The following CNBD1 variants were observed in gnomAD, a reference collection of about 807,000 sequenced individuals.
CNBD1 encodes cyclic nucleotide-binding domain-containing protein 1.
CNBD1 carries 71 observed loss-of-function variants against 54.4 expected under a neutral mutation model. The observed-to-expected ratio is 1.30, with a 90% CI of 1.08 to 1.59. The LOEUF is 1.59. Among genes scored for constraint, CNBD1 ranks in the 40% most tolerant of loss-of-function variants. The pLI is 0.00. For synonymous variants in CNBD1, 182 were observed against 170.7 expected (o/e 1.07, Z -0.51); for missense variants, 659 against 518.0 (o/e 1.27, Z -2.64).
chr8:86,890,117 G>A (rs1163642571), intron 2 of CNBD1, among the ~76,000 whole-genome samples: 1 of 151,900 alleles, frequency 6.6e-6, no homozygotes, highest in Non-Finnish European at 1.5e-5. Context: ...TTTGAAATTT[G>A]CTCTTCTGGC....
intron 4 of CNBD1, among the ~76,000 whole-genome samples, chr8:87,173,097 T>G (rs2130770273): frequency 6.6e-6 from 1 of 152,306 alleles, no homozygotes; most frequent in South Asian, 2.1e-4. Context: ...AACCATTATT[T>G]TAAACTGGTA....
At chr8:87,370,467 C>G (rs1810756692) in intron 10 of CNBD1, among the ~76,000 whole-genome samples, 1 of 152,090 alleles carries the variant, frequency 6.6e-6, no homozygotes, top group Admixed American at 6.6e-5. Flanking sequence ...TTGCATTTCT[C>G]TGATGGCCAG....
At chr8:87,418,609 T>A (rs892671123) in intron 2 of CNBD1, among the ~76,000 whole-genome samples, 1 of 151,948 alleles carries the variant, frequency 6.6e-6, no homozygotes, top group Non-Finnish European at 1.5e-5. Context: ...ACAAATCACA[T>A]ATATGATTAG....
chr8:86,930,122 G>T (rs957458919), intron 3 of CNBD1, among the ~76,000 whole-genome samples: 1 of 152,110 alleles, frequency 6.6e-6, no homozygotes, highest in Non-Finnish European at 1.5e-5. Context: ...TGGCCATCTC[G>T]CTGTATCCAG....
At chr8:87,159,732 G>A (rs984512294) in intron 4 of CNBD1, among the ~76,000 whole-genome samples, 1 of 152,092 alleles carries the variant, frequency 6.6e-6, no homozygotes, top group Non-Finnish European at 1.5e-5. Flanking sequence ...CCCCTGGAAA[G>A]CATCCTGGCT....
chr8:86,932,659 T>C (rs1809476437), intron 3 of CNBD1, among the ~76,000 whole-genome samples: 1 of 152,126 alleles, frequency 6.6e-6, no homozygotes, highest in East Asian at 1.9e-4. Flanking sequence ...CCATTTTTTT[T>C]CCATCAGAGA....
chr8:86,923,156 AGGGTGGGAGTGGACCCGAGCAGGC>A (rs1359850466), intron 3 of CNBD1, among the ~76,000 whole-genome samples: 1 of 152,204 alleles, frequency 6.6e-6, no homozygotes, highest in African/African-American at 2.4e-5. Flanking sequence ...AGCACTCCAC[AGGGTGGGAGTGGACCCGAGCAGGC>A]GGCTCAAGGG....
At chr8:87,329,927 T>C (rs1029901881) in intron 8 of CNBD1, among the ~76,000 whole-genome samples, 2 of 152,012 alleles carry the variant, frequency 1.3e-5, no homozygotes, top group African/African-American at 2.4e-5. Flanking sequence ...TCCAGTATAA[T>C]GTTAAAAGGA....
chr8:87,045,134 T>C (rs1000306187), intron 4 of CNBD1, among the ~76,000 whole-genome samples: 8 of 152,192 alleles, frequency 5.3e-5, no homozygotes, highest in African/African-American at 1.9e-4. Flanking sequence ...TCAAAGGTCC[T>C]TGGAAGAATG....
At chr8:87,101,758 T>G (rs1347217602) in intron 4 of CNBD1, among the ~76,000 whole-genome samples, 1 of 152,198 alleles carries the variant, frequency 6.6e-6, no homozygotes, top group East Asian at 1.9e-4. Flanking sequence ...CAATAAAAAT[T>G]CATGTTCCTT....
At chr8:86,904,926 T>C (rs1808993329) in intron 2 of CNBD1, among the ~76,000 whole-genome samples, 155 bp from the exon 3 acceptor site, 1 of 152,144 alleles carries the variant, frequency 6.6e-6, no homozygotes, top group Non-Finnish European at 1.5e-5. Flanking sequence ...ATTTGGATAT[T>C]TTTAAAGCAC....
rs182401871 is a variant in CNBD1, at chr8:86,959,158, A to G, written c.431+19404A>G. Among the ~76,000 whole-genome samples the G allele has an allele frequency of 2.2e-3, 340 of 152,286 alleles. 1 individual carries two copies. Among genetic ancestry groups the G allele is most frequent in the African/African-American group, 7.9e-3 (327 of 41,556 alleles). ...TCTGGGTTGAAAATTCTTTTCTTTA[A>G]GAATGTTGAATATTGGCCTCCACTC... On this transcript the variant is annotated intron_variant, in intron 4 of 10. Transcript: ENST00000518476.
intron 4 of CNBD1, among the ~76,000 whole-genome samples, chr8:86,945,148 G>A (rs1807436552): frequency 6.6e-6 from 1 of 151,910 alleles, no homozygotes; most frequent in Non-Finnish European, 1.5e-5. Context: ...ACTAATTTCT[G>A]GGGAAAAAAA....
At chr8:87,426,326 G>T (rs1182240650) in intron 2 of CNBD1, among the ~76,000 whole-genome samples, 1 of 152,150 alleles carries the variant, frequency 6.6e-6, no homozygotes, top group Non-Finnish European at 1.5e-5. Context: ...TTCCTATTCG[G>T]CCATCTTGGC....
intron 4 of CNBD1, among the ~76,000 whole-genome samples, chr8:87,042,426 C>A (rs12544252): frequency 3.9e-5 from 6 of 151,936 alleles, no homozygotes; most frequent in African/African-American, 1.5e-4. Context: ...AAAGGCAGAA[C>A]GGGGCTAAGT....
intron 4 of CNBD1, among the ~76,000 whole-genome samples, chr8:87,052,124 T>C (rs188402031): frequency 6.6e-6 from 1 of 152,292 alleles, no homozygotes; most frequent in Admixed American, 6.5e-5. Flanking sequence ...TATAGGCCTG[T>C]AAAGCAAGCA....
chr8:87,013,213 G>A (rs1288469658), intron 4 of CNBD1, among the ~76,000 whole-genome samples: 4 of 152,114 alleles, frequency 2.6e-5, no homozygotes, highest in Non-Finnish European at 4.4e-5. Context: ...TAGGTTAAAC[G>A]TCCTTGATTT....
At chr8:87,401,264 T>C (rs1282080818) in intron 2 of CNBD1, among the ~76,000 whole-genome samples, 1 of 152,052 alleles carries the variant, frequency 6.6e-6, no homozygotes, top group East Asian at 1.9e-4. Context: ...GAACCTGAGA[T>C]ATTTAATTCC....
rs139743762 is a variant in CNBD1, at chr8:87,169,556, C to T, written c.432-36437C>T. ...ATAGCTTGAGGTCTTAGAGTTAAGT[C>T]TTCAACCTATTTTGATTTTATTTTT... On this transcript the variant is annotated intron_variant, in intron 4 of 10. Coordinates refer to ENST00000518476, the MANE Select transcript of CNBD1 (RefSeq NM_173538.3). Among the ~76,000 whole-genome samples the T allele has an allele frequency of 6.0e-4, 91 of 152,190 alleles. 1 individual carries two copies. Among genetic ancestry groups the T allele is most frequent in the African/African-American group, 1.9e-3 (78 of 41,578 alleles).
Sources: allele counts gnomAD v4.1 joint callset (sites outside exome capture counted in the v4.1 genomes callset), GRCh38; gene constraint gnomAD v4.1.1; transcripts MANE v1.5; gene names NCBI Gene and HGNC (gene_info 2026-07-23, HGNC 2026-07-21).